Variants in CTNNA1 observed in about 807,000 individuals in gnomAD.
CTNNA1 encodes the protein catenin alpha-1.
In CTNNA1, 37 loss-of-function variants were observed where a neutral mutation model predicts 98.4. The observed-to-expected ratio is 0.38, with a 90% CI of 0.29 to 0.49. CTNNA1 has a LOEUF of 0.49. CTNNA1 is among the 20% of genes least tolerant of loss of function. CTNNA1 has a pLI of 0.95. For synonymous variants in CTNNA1, 404 were observed against 413.2 expected (o/e 0.98, Z 0.27); for missense variants, 761 against 1,147.2 (o/e 0.66, Z 4.86).
At chr5:138,863,627 TATC>T (rs1306886256) in intron 7 of CTNNA1, among the ~76,000 whole-genome samples, 2 of 152,214 alleles carry the variant, frequency 1.3e-5, no homozygotes, top group Non-Finnish European at 2.9e-5. Context: ...CACGTATGAT[TATC>T]ATCAGCATTT....
At chr5:138,911,695 T>G (rs536116089) in intron 10 of CTNNA1, among the ~76,000 whole-genome samples, 1 of 152,354 alleles carries the variant, frequency 6.6e-6, no homozygotes, top group South Asian at 2.1e-4. Flanking sequence ...AATTCTGATG[T>G]CCAGAAACTG....
At chr5:138,764,868 CTT>C (rs35354499) in intron 1 of CTNNA1, among the ~76,000 whole-genome samples, 42 of 84,924 alleles carry the variant, frequency 4.9e-4, no homozygotes, top group Middle Eastern at 0.011. Context: ...GTATCTCTCT[CTT>C]TTTTTTTTTT....
At chr5:138,795,244 G>A (rs1332433156) in intron 3 of CTNNA1, among the ~76,000 whole-genome samples, 1 of 151,154 alleles carries the variant, frequency 6.6e-6, no homozygotes, top group African/African-American at 2.4e-5. Context: ...GGTGGATCAC[G>A]AGGTCAGGGG....
intron 10 of CTNNA1, among the ~76,000 whole-genome samples, chr5:138,908,266 A>G (rs1456531758): frequency 6.6e-6 from 1 of 152,110 alleles, no homozygotes; most frequent in Non-Finnish European, 1.5e-5. Context: ...TTTCATCCCC[A>G]TTTTAAAGTT....
At position 138,819,208 on chromosome 5, in the gene CTNNA1, C is replaced by T. The variant is rs79409374; in HGVS notation, c.589-5322C>T. 5.4e-3 allele frequency among the ~76,000 whole-genome samples: 816 copies of T among 152,148 alleles called. 2 individuals are homozygous for T. Among genetic ancestry groups the T allele is most frequent in the East Asian group, 0.026 (137 of 5,170 alleles). ...GGCACCATGCAGTAATGACTCTAGG[C>T]CCCCGGATGGTGGAGCTTGGCAGTA... On this transcript the variant is annotated intron_variant, in intron 5 of 17. Coordinates refer to ENST00000302763, the MANE Select transcript of CTNNA1 (RefSeq NM_001903.5).
intron 16 of CTNNA1, among the ~76,000 whole-genome samples, chr5:138,931,357 C>T (rs1045127649): frequency 2.0e-5 from 3 of 152,304 alleles, no homozygotes; most frequent in Admixed American, 6.5e-5. Flanking sequence ...CGGTTCCTAC[C>T]GCCTGGAAAT....
chr5:138,898,324 T>C (rs529426715), intron 9 of CTNNA1, among the ~76,000 whole-genome samples: 7 of 152,274 alleles, frequency 4.6e-5, no homozygotes, highest in African/African-American at 1.7e-4. Flanking sequence ...CCTCTTTTCT[T>C]ATAAATTACC....
intron 7 of CTNNA1, among the ~76,000 whole-genome samples, chr5:138,847,327 C>T (rs1184593777): frequency 6.6e-6 from 1 of 152,036 alleles, no homozygotes; most frequent in Non-Finnish European, 1.5e-5. Flanking sequence ...CCTTCCCTGT[C>T]TCCCTCCCTC....
Position 138,874,420 on chromosome 5 carries a change from G to A in CTNNA1, c.1063-11792G>A, listed in dbSNP as rs748682934. ...GCACTGAGTGGAAGCCCTGAGAGTC[G>A]CAGTAGAAGAGCAGCTTCTCGCAGC... On this transcript the variant is annotated intron_variant, in intron 7 of 17. Coordinates refer to ENST00000302763, the MANE Select transcript of CTNNA1 (RefSeq NM_001903.5). This position sits in a 1 kb window ranked among gnomAD's most constrained non-coding sequence, Gnocchi z 4.1. 8.1e-6 allele frequency: 13 copies of A among 1,613,780 alleles called. No homozygotes were observed. Among genetic ancestry groups the A allele is most frequent in the Middle Eastern group, 1.6e-4 (1 of 6,084 alleles).
At chr5:138,793,861 G>C (rs1312966362) in intron 3 of CTNNA1, among the ~76,000 whole-genome samples, 1 of 152,052 alleles carries the variant, frequency 6.6e-6, no homozygotes, top group African/African-American at 2.4e-5. Context: ...CATTCTGTCT[G>C]TCAACTGGAA....
chr5:138,841,831 A>G (rs1342209024), intron 7 of CTNNA1, among the ~76,000 whole-genome samples: 1 of 152,184 alleles, frequency 6.6e-6, no homozygotes, highest in Admixed American at 6.5e-5. Context: ...GTTTATAATA[A>G]TCTACCAAGT....
chr5:138,915,264 T>G (rs1310372600), intron 10 of CTNNA1, among the ~76,000 whole-genome samples: 1 of 152,232 alleles, frequency 6.6e-6, no homozygotes, highest in Admixed American at 6.5e-5. Context: ...CATTATTCAC[T>G]TATTCAATGA....
At position 138,934,232 on chromosome 5, in the gene CTNNA1, T is replaced by TCCC; in HGVS notation, c.*143_*144insCCC. 1.6e-6 allele frequency: 1 copy of TCCC among 628,480 alleles called. No individual in the cohort carries two copies. Among genetic ancestry groups the TCCC allele is most frequent in the Non-Finnish European group, 2.7e-6 (1 of 368,572 alleles). The allele number at this position is 628,480 out of a possible 1,614,324, so 38.9% of individuals were successfully genotyped here. A position where few individuals can be genotyped will look rare whatever the true frequency, so the allele number is the denominator to read the frequency against. ...GACTGAACCAGTCCAGGTGGTGAAT[T>TCCC]TTCCAAGAACATAGTTTAAGTTGAT... On this transcript the variant is annotated 3_prime_UTR_variant, in exon 18 of 18. Transcript: ENST00000302763.
intron 7 of CTNNA1, among the ~76,000 whole-genome samples, chr5:138,857,694 G>A (rs1171541474): frequency 1.3e-5 from 2 of 152,252 alleles, no homozygotes; most frequent in East Asian, 3.9e-4. Context: ...AAAGCATGAA[G>A]CATGGTACTG....
intron 17 of CTNNA1, 184 bp downstream of exon 17, chr5:138,932,896 C>T (rs1263244511): frequency 6.0e-6 from 5 of 835,478 alleles, no homozygotes; most frequent in African/African-American, 1.7e-5. Context: ...AGAACTGTGA[C>T]ACCTGCGGGG....
intron 7 of CTNNA1, among the ~76,000 whole-genome samples, chr5:138,855,572 T>C (rs1763658536): frequency 2.0e-5 from 3 of 152,244 alleles, no homozygotes; most frequent in Admixed American, 1.3e-4. Flanking sequence ...CTTAGAATGC[T>C]GTTTTACCAG....
At chr5:138,823,984 AAAT>A (rs1322556220) in intron 5 of CTNNA1, among the ~76,000 whole-genome samples, 4 of 132,068 alleles carry the variant, frequency 3.0e-5, no homozygotes, top group African/African-American at 1.1e-4. Flanking sequence ...AAAAAAAAAA[AAAT>A]TATGTAACTT....
At chr5:138,904,210 T>TAATC (rs901364464) in intron 9 of CTNNA1, 139 bp from the exon 10 acceptor site, 4 of 1,011,492 alleles carry the variant, frequency 4.0e-6, no homozygotes, top group Admixed American at 5.8e-5. Flanking sequence ...TCTAAGTAAA[T>TAATC]AATCAGGCTG....
intron 1 of CTNNA1, among the ~76,000 whole-genome samples, chr5:138,767,640 T>G (rs2149595556): frequency 6.6e-6 from 1 of 152,314 alleles, no homozygotes; most frequent in East Asian, 1.9e-4. Context: ...GGGAAGATCT[T>G]CAAACCTACA....
Sources: gnomAD v4.1 joint callset for allele counts (sites outside exome capture counted in the v4.1 genomes callset) on GRCh38, gnomAD v4.1.1 for gene constraint, Gnocchi (gnomAD v3.1) non-coding constraint, MANE v1.5 for transcripts, NCBI Gene and HGNC (gene_info 2026-07-23, HGNC 2026-07-21) for gene names.